COG7: variants seen among roughly 807,000 people sequenced by gnomAD.
COG7 encodes the protein component of oligomeric golgi complex 7.
COG7 carries 49 observed loss-of-function variants against 91.5 expected under a neutral mutation model. That is an observed-to-expected ratio of 0.54 (90% CI 0.43 to 0.68). The LOEUF is 0.68. COG7 is among the 30% of genes least tolerant of loss of function. The pLI is 0.00. For missense variants in COG7, 895 were observed against 961.3 expected, an observed-to-expected ratio of 0.93 and a Z score of 0.91; for synonymous variants, 365 against 388.7, an observed-to-expected ratio of 0.94 and a Z score of 0.72.
At chr16:23,449,311 C>T (rs920592522) in intron 1 of COG7, among the ~76,000 whole-genome samples, 3 of 149,986 alleles carry the variant, frequency 2.0e-5, no homozygotes, top group Non-Finnish European at 2.9e-5. Context: ...TGCAGTGCGT[C>T]GAGATCACGC....
chr16:23,432,273 C>T (rs1467246784), intron 6 of COG7, among the ~76,000 whole-genome samples: 4 of 152,140 alleles, frequency 2.6e-5, no homozygotes, highest in African/African-American at 9.7e-5. Context: ...GAATTCTCTC[C>T]AACCTTAGTC....
chr16:23,426,159 T>C (rs1419072186), intron 6 of COG7, among the ~76,000 whole-genome samples: 3 of 152,162 alleles, frequency 2.0e-5, no homozygotes, highest in Non-Finnish European at 4.4e-5. Context: ...GAGATTGCAG[T>C]GAGCTGAGAT....
intron 3 of COG7, among the ~76,000 whole-genome samples, chr16:23,444,160 A>C (rs1449371026): frequency 1.3e-5 from 2 of 152,008 alleles, no homozygotes; most frequent in Non-Finnish European, 2.9e-5. Flanking sequence ...AAAAAAGAAA[A>C]ATTAGAGGAC....
intron 4 of COG7, among the ~76,000 whole-genome samples, chr16:23,439,398 A>G (rs866990591): frequency 6.6e-6 from 1 of 152,174 alleles, no homozygotes; most frequent in Non-Finnish European, 1.5e-5. Flanking sequence ...GAACTCAAAC[A>G]GACACTTGTA....
chr16:23,413,335 G>C (rs879135802), intron 10 of COG7, 113 bp downstream of exon 10: 1 of 771,260 alleles, frequency 1.3e-6, no homozygotes, highest in African/African-American at 1.7e-5. Context: ...AAAAGGCAGT[G>C]AAAGAAAAAA....
intron 6 of COG7, 101 bp downstream of exon 6, chr16:23,433,444 T>C: frequency 6.8e-7 from 1 of 1,471,094 alleles, no homozygotes. Flanking sequence ...GGAAGTTCTT[T>C]GAGCTGTGCT....
At chr16:23,401,440 G>A (rs1744845282) in intron 13 of COG7, among the ~76,000 whole-genome samples, 1 of 152,210 alleles carries the variant, frequency 6.6e-6, no homozygotes, top group African/African-American at 2.4e-5. Context: ...AGAGGGAAAA[G>A]GACGGGGGAA....
Position 23,452,835 on chromosome 16 carries a change from C to T in COG7, c.160G>A (p.Ala54Thr). ...GCCCCGAGCGGCTCACCCTCCACGG[C>T]GTGGTTCACCTCTTGGATGAACAGC... Reference protein sequence around the residue: ...LQLFIQEVNHAVEETSHQALQ... With the variant: ...LQLFIQEVNHTVEETSHQALQ... Residue 54 changes from alanine (A) to threonine (T), a missense_variant, in exon 1 of 17, where the codon GCC becomes ACC. Coordinates refer to ENST00000307149, the MANE Select transcript of COG7 (RefSeq NM_153603.4). The T allele has an allele frequency of 2.5e-6, 4 of 1,612,618 alleles. No homozygotes were observed. The highest frequency in any genetic ancestry group is 2.5e-6 in the Non-Finnish European group (3 of 1,179,582).
At chr16:23,400,425 A>G (rs574582238) in intron 13 of COG7, among the ~76,000 whole-genome samples, 68 of 152,158 alleles carry the variant, frequency 4.5e-4, no homozygotes, top group Admixed American at 2.2e-3. Flanking sequence ...GCTGGGAAGC[A>G]GAGTGTGGGG....
intron 13 of COG7, among the ~76,000 whole-genome samples, chr16:23,400,991 A>G (rs1411446559): frequency 6.6e-6 from 1 of 151,256 alleles, no homozygotes; most frequent in South Asian, 2.1e-4. Flanking sequence ...GGGGGGGGGA[A>G]AACAGCAGAG....
At position 23,421,930 on chromosome 16, in the gene COG7, T is replaced by G. The variant is rs145437456; in HGVS notation, c.1009+2819A>C. On this transcript the variant is annotated intron_variant, in intron 7 of 16. Transcript: ENST00000307149. ...TTTCTGAGCAACTGCAAATTTAAAC[T>G]TATCCTAAGGAATAATCGGAGCTAG... 5.2e-3 allele frequency among the ~76,000 whole-genome samples: 788 copies of G among 152,062 alleles called. 6 individuals are homozygous for G. The highest frequency in any genetic ancestry group is 0.022 in the South Asian group (106 of 4,810).
intron 16 of COG7, among the ~76,000 whole-genome samples, chr16:23,390,593 T>TTTTTG (rs1296004326): frequency 1.3e-5 from 2 of 151,956 alleles, no homozygotes. Flanking sequence ...TTCCTTGTGT[T>TTTTTG]TTTTGTTTTG....
rs1358443342 is a variant in COG7 at position 23,434,822 on chromosome 16, A to G, written c.605-104T>C. The G allele has an allele frequency of 7.8e-6, 6 of 767,566 alleles. No homozygotes were observed. The East Asian group carries it at 1.5e-4, about 20-fold the overall frequency. The allele number at this position is 767,566 out of a possible 1,614,324, so 47.5% of individuals were successfully genotyped here. A position where few individuals can be genotyped will look rare whatever the true frequency, so the allele number is the denominator to read the frequency against. On this transcript the variant is annotated intron_variant, in intron 4 of 16. Transcript: ENST00000307149. ...TGGATATATGGAAGCTAGTATTCAC[A>G]AGTTCCTGCCTAGATACTGAATTAA...
intron 12 of COG7, among the ~76,000 whole-genome samples, chr16:23,404,186 G>C (rs1020518195): frequency 2.6e-5 from 4 of 152,320 alleles, no homozygotes; most frequent in South Asian, 4.1e-4. Context: ...GTGGGAAAGA[G>C]GGGGGAAACA....
At chr16:23,404,811 T>G (rs1229846700) in intron 12 of COG7, among the ~76,000 whole-genome samples, 1 of 152,146 alleles carries the variant, frequency 6.6e-6, no homozygotes, top group East Asian at 1.9e-4. Flanking sequence ...TCCCAGCTAT[T>G]CAGGAGGCTG....
intron 13 of COG7, among the ~76,000 whole-genome samples, chr16:23,403,075 G>C (rs1050745077): frequency 6.6e-6 from 1 of 152,240 alleles, no homozygotes; most frequent in African/African-American, 2.4e-5. Context: ...CAAAAGGAAA[G>C]TAACAAGATC....
At chr16:23,429,688 T>C (rs750838749) in intron 6 of COG7, among the ~76,000 whole-genome samples, 1 of 151,920 alleles carries the variant, frequency 6.6e-6, no homozygotes, top group Non-Finnish European at 1.5e-5. Flanking sequence ...CACTTGAACC[T>C]GGGAAGCGGA....
In COG7 at chr16:23,406,524, C is replaced by T. The variant is rs539689088; in HGVS notation, c.1476-262G>A. Among the ~76,000 whole-genome samples, 188 of 152,254 alleles carry T rather than the reference C, an allele frequency of 1.2e-3. 2 individuals carry two copies. Among genetic ancestry groups the T allele is most frequent in the South Asian group, 5.2e-3 (25 of 4,818 alleles). On this transcript the variant is annotated intron_variant, in intron 11 of 16. Coordinates refer to ENST00000307149, the MANE Select transcript of COG7 (RefSeq NM_153603.4). ...GAACATGCTATCTCCCTAATATGAC[C>T]GACAGCCTACATAGGGGCAGCTCTC...
intron 12 of COG7, among the ~76,000 whole-genome samples, chr16:23,404,202 A>G (rs528155887): frequency 6.6e-6 from 1 of 152,382 alleles, no homozygotes; most frequent in African/African-American, 2.4e-5. Context: ...AAACAAGATC[A>G]GAAGCTTCAC....
Sources: allele counts gnomAD v4.1 joint callset (sites outside exome capture counted in the v4.1 genomes callset), GRCh38; gene constraint gnomAD v4.1.1; transcripts MANE v1.5; gene names NCBI Gene and HGNC (gene_info 2026-07-23, HGNC 2026-07-21).